The following DHX57 variants were observed in gnomAD, a reference collection of about 807,000 sequenced individuals.
DHX57 encodes DExH-box helicase 57.
In DHX57, 105 loss-of-function variants were observed where a neutral mutation model predicts 156.2. That is an observed-to-expected ratio of 0.67 (90% CI 0.57 to 0.79). The LOEUF (loss-of-function observed/expected upper bound fraction) is 0.79. DHX57 is among the 30% of genes least tolerant of loss of function. The probability of loss-of-function intolerance (pLI) is 0.00; values close to 1 mark genes in which losing one functional copy is unlikely to be tolerated. For missense variants in DHX57, 1,847 were observed against 1,661.9 expected, an observed-to-expected ratio of 1.11 and a Z score of -1.94; for synonymous variants, 704 against 595.6, an observed-to-expected ratio of 1.18 and a Z score of -2.65.
At chr2:38,812,235 CT>C (rs1670284467) in intron 21 of DHX57, among the ~76,000 whole-genome samples, 1 of 150,432 alleles carries the variant, frequency 6.6e-6, no homozygotes, top group South Asian at 2.1e-4. Flanking sequence ...ACTTTTTTCC[CT>C]TTCATAACCA....
chr2:38,856,632 T>G lies in DHX57; in HGVS notation c.1588-171A>C, dbSNP rs991776419. On this transcript the variant is annotated intron_variant, in intron 6 of 23. Coordinates refer to ENST00000457308, the MANE Select transcript of DHX57 (RefSeq NM_198963.3). ...GATCCTCCCGCCTCAAGCTCCCAAG[T>G]AGCTGGGACTACAGGTGTGTGCCAC... is the stretch of plus-strand genomic sequence containing the variant. 1.2e-5 allele frequency: 9 copies of G among 754,842 alleles called. No individual in the cohort carries two copies. The Admixed American group carries it at 2.4e-4, about 20-fold the overall frequency. 46.8% of individuals were successfully genotyped at this position (754,842 alleles called of 1,614,324 possible).
At chr2:38,839,503 AGAGTTT>A (rs1256422163) in intron 12 of DHX57, among the ~76,000 whole-genome samples, 1 of 150,996 alleles carries the variant, frequency 6.6e-6, no homozygotes, top group African/African-American at 2.4e-5. Context: ...CCTGAGGTCA[AGAGTTT>A]GAGACCAGCC....
chr2:38,873,533 T>C (rs911342224), intron 1 of DHX57, among the ~76,000 whole-genome samples: 6 of 152,230 alleles, frequency 3.9e-5, no homozygotes, highest in Admixed American at 3.9e-4. Context: ...CAAGACTATG[T>C]CTATTTTGAT....
chr2:38,800,311 G>A (rs1375055959), intron 23 of DHX57, among the ~76,000 whole-genome samples: 10 of 151,356 alleles, frequency 6.6e-5, no homozygotes, highest in Non-Finnish European at 1.0e-4. Flanking sequence ...CCGAGATTGC[G>A]CCACTGCACT....
In DHX57 at chr2:38,798,043, TCA is replaced by T; in HGVS notation, c.*254_*255del. ...GTGAACTTAATTCACTCCAGAACAA[TCA>T]CAGAGACAAAGACAGGCAAGCTGGG... On this transcript the variant is annotated 3_prime_UTR_variant, in exon 24 of 24. Coordinates refer to ENST00000457308, the MANE Select transcript of DHX57 (RefSeq NM_198963.3). The T allele has an allele frequency of 2.6e-6, 1 of 378,086 alleles. No homozygotes were observed. The highest frequency in any genetic ancestry group is 5.0e-6 in the Non-Finnish European group (1 of 201,508). The allele number at this position is 378,086 out of a possible 1,614,324, so 23.4% of individuals were successfully genotyped here. A position where few individuals can be genotyped will look rare whatever the true frequency, so the allele number is the denominator to read the frequency against.
intron 8 of DHX57, 42 bp from the exon 9 acceptor site, chr2:38,854,220 CA>C (rs773146037): frequency 6.3e-6 from 10 of 1,578,746 alleles, no homozygotes; most frequent in Admixed American, 1.9e-5. Flanking sequence ...ATAAAATTTT[CA>C]AAAAAAGGAA....
At chr2:38,840,509 T>C (rs1671934976) in intron 12 of DHX57, among the ~76,000 whole-genome samples, 2 of 151,830 alleles carry the variant, frequency 1.3e-5, no homozygotes, top group Admixed American at 6.6e-5. Context: ...ACCTCCCAAA[T>C]AGTTGGGACT....
chr2:38,843,392 C>A lies in DHX57; in HGVS notation c.2220-182G>T, dbSNP rs148481063. Reference sequence around the variant, plus strand: ...TTCTGGTTGGGAACACACTGCAATGCTTTTAGGTCTGTCTCGGAGACCAGC... The same window carrying A: ...TTCTGGTTGGGAACACACTGCAATGATTTTAGGTCTGTCTCGGAGACCAGC... On this transcript the variant is annotated intron_variant, in intron 11 of 23. Transcript: ENST00000457308. Among the ~76,000 whole-genome samples, 31 of 152,270 alleles carry A rather than the reference C, an allele frequency of 2.0e-4. No homozygotes were observed. In the East Asian group the frequency reaches 4.8e-3, roughly 24 times the overall value.
In DHX57 at chr2:38,826,687, C is replaced by A; in HGVS notation, c.2642G>T (p.Cys881Phe). 6.2e-7 allele frequency: 1 copy of A among 1,613,546 alleles called. No individual in the cohort carries two copies. Among genetic ancestry groups the A allele is most frequent in the Middle Eastern group, 1.7e-4 (1 of 6,058 alleles). ...SLFNNRRSNR[C>F]VIHPLHSSLS... ...AGATGAATGAAGTGGGTGAATAACA[C>A]ATCTGGAAGGAAATAAAAGCACATG... Residue 881 changes from cysteine (C) to phenylalanine (F), a missense_variant and splice_region_variant, in exon 15 of 24, where the codon TGT becomes TTT. By Grantham distance (205) the Cys-to-Phe change is radical. Coordinates refer to ENST00000457308, the MANE Select transcript of DHX57 (RefSeq NM_198963.3).
At chr2:38,858,163 G>A (rs1672999969) in intron 6 of DHX57, among the ~76,000 whole-genome samples, 1 of 152,202 alleles carries the variant, frequency 6.6e-6, no homozygotes. Flanking sequence ...CAAAGTTCAA[G>A]CAATTCTTGT....
chr2:38,856,615 C>T (rs1027872508), intron 6 of DHX57, 154 bp from the exon 7 acceptor site: 41 of 951,926 alleles, frequency 4.3e-5, no homozygotes, highest in Non-Finnish European at 5.1e-5. Context: ...GCGATCCTCC[C>T]GCCTCAAGCT....
chr2:38,797,901 G>GA lies in DHX57; in HGVS notation c.*397dup, dbSNP rs34207268. 0.55 allele frequency: 87,330 copies of GA among 159,246 alleles called. 24,418 individuals are homozygous for GA. The highest frequency in any genetic ancestry group is 0.79 in the East Asian group (3,988 of 5,068). 9.9% of individuals were successfully genotyped at this position (159,246 alleles called of 1,614,324 possible). On this transcript the variant is annotated 3_prime_UTR_variant, in exon 24 of 24. Coordinates refer to ENST00000457308, the MANE Select transcript of DHX57 (RefSeq NM_198963.3). ...CAGTCGAGCCTTGGCGACAGGAAAAGAAAAAAAAAAAAGGCGTATTTCTCT... is the reference window on the plus strand; with the variant it reads ...CAGTCGAGCCTTGGCGACAGGAAAAGAAAAAAAAAAAAAGGCGTATTTCTCT...
intron 13 of DHX57, among the ~76,000 whole-genome samples, chr2:38,835,240 G>T (rs1031652272): frequency 6.6e-6 from 1 of 152,196 alleles, no homozygotes; most frequent in African/African-American, 2.4e-5. Flanking sequence ...TTATTAGTAA[G>T]GAAGAGAAGT....
chr2:38,817,128 C>T (rs984013110), intron 19 of DHX57, among the ~76,000 whole-genome samples: 7 of 151,972 alleles, frequency 4.6e-5, no homozygotes, highest in East Asian at 1.9e-4. Flanking sequence ...GATGGGGTTT[C>T]GCCATGTTGC....
chr2:38,855,010 A>G (rs1672812333), intron 8 of DHX57, 47 bp downstream of exon 8: 1 of 1,612,072 alleles, frequency 6.2e-7, no homozygotes, highest in Non-Finnish European at 8.5e-7. Flanking sequence ...TTTTATACCT[A>G]AAAACCATAA....
At chr2:38,863,023 A>T in intron 3 of DHX57, 1 of 192,394 alleles carries the variant, frequency 5.2e-6, no homozygotes, top group Non-Finnish European at 1.1e-5. Context: ...CTAAGACTGC[A>T]CCTGACCGAG....
At chr2:38,835,311 T>C (rs919215573) in intron 13 of DHX57, among the ~76,000 whole-genome samples, 4 of 152,192 alleles carry the variant, frequency 2.6e-5, no homozygotes, top group South Asian at 2.1e-4. Flanking sequence ...GCAAATGTAG[T>C]TGGGTTCATG....
At chr2:38,827,561 C>T (rs3099983) in intron 14 of DHX57, among the ~76,000 whole-genome samples, 118,160 of 128,416 alleles carry the variant, frequency 0.92, 55,545 homozygotes, top group South Asian at 1. Flanking sequence ...TACACATACA[C>T]ACACACACAC....
At chr2:38,827,020 A>C (rs1221323428) in intron 14 of DHX57, among the ~76,000 whole-genome samples, 1 of 152,022 alleles carries the variant, frequency 6.6e-6, no homozygotes, top group Non-Finnish European at 1.5e-5. Context: ...AATCCCAGTT[A>C]CTCGGGAAGC....
Sources: allele counts gnomAD v4.1 joint callset (sites outside exome capture counted in the v4.1 genomes callset), GRCh38; gene constraint gnomAD v4.1.1; transcripts MANE v1.5; gene names NCBI Gene and HGNC (gene_info 2026-07-23, HGNC 2026-07-21).